The following GPC6 variants were observed in gnomAD, a reference collection of about 807,000 sequenced individuals.
The protein encoded by GPC6 is glypican 6.
A neutral mutation model predicts 55.2 loss-of-function variants in GPC6; 14 were observed. The observed-to-expected ratio is 0.25, with a 90% CI of 0.17 to 0.40. GPC6 has a LOEUF of 0.40. GPC6 is among the 10% of genes least tolerant of loss of function. GPC6 has a pLI of 1.00. For missense variants in GPC6, 641 were observed against 708.5 expected (o/e 0.90, Z 1.08); for synonymous variants, 278 against 259.6 (o/e 1.07, Z -0.68).
At chr13:93,431,811 T>C (rs1877370707) in intron 1 of GPC6, among the ~76,000 whole-genome samples, 1 of 152,198 alleles carries the variant, frequency 6.6e-6, no homozygotes, top group African/African-American at 2.4e-5. Flanking sequence ...TATTAAACTA[T>C]TTATCCCAGT....
chr13:94,140,771 G>C (rs1290134177), intron 4 of GPC6, among the ~76,000 whole-genome samples: 3 of 152,138 alleles, frequency 2.0e-5, no homozygotes, highest in Non-Finnish European at 4.4e-5. Context: ...ATCGTGGTTT[G>C]AGGCTACCAG....
chr13:93,233,745 C>T (rs188904349), intron 1 of GPC6, among the ~76,000 whole-genome samples: 1 of 152,224 alleles, frequency 6.6e-6, no homozygotes, highest in East Asian at 1.9e-4. Context: ...GTGAGAATAC[C>T]CTGCAAACAT....
intron 4 of GPC6, among the ~76,000 whole-genome samples, chr13:94,155,518 C>T (rs1887901487): frequency 6.6e-6 from 1 of 152,120 alleles, no homozygotes. Context: ...TAAAACTAAT[C>T]TTCATATTTT....
At chr13:93,249,662 C>T (rs1046250843) in intron 1 of GPC6, among the ~76,000 whole-genome samples, 8 of 152,178 alleles carry the variant, frequency 5.3e-5, no homozygotes, top group African/African-American at 1.4e-4. Context: ...GTCCAAGCAG[C>T]GCCTCATATT....
At chr13:93,868,709 C>T (rs1486829788) in intron 3 of GPC6, among the ~76,000 whole-genome samples, 2 of 151,928 alleles carry the variant, frequency 1.3e-5, no homozygotes, top group Non-Finnish European at 2.9e-5. Context: ...GGGCACTTTT[C>T]ATACTATTAA....
In GPC6 at chr13:94,098,385, A is replaced by T. The variant is rs571838529; in HGVS notation, c.877+70491A>T. Among the ~76,000 whole-genome samples the T allele has an allele frequency of 2.6e-5, 4 of 152,340 alleles. 1 individual carries two copies. The highest frequency in any genetic ancestry group is 1.3e-4 in the Admixed American group (2 of 15,306). On this transcript the variant is annotated intron_variant, in intron 4 of 8. Transcript: ENST00000377047. ...TATCTAGACAATTGTAAAACAATGT[A>T]TGCAGAGAAAGAAGCAATGTAAATT...
At chr13:93,775,032 C>G (rs929021882) in intron 2 of GPC6, among the ~76,000 whole-genome samples, 2 of 152,094 alleles carry the variant, frequency 1.3e-5, no homozygotes, top group African/African-American at 2.4e-5. Flanking sequence ...AACACAGATG[C>G]CCAGAGATCT....
intron 1 of GPC6, among the ~76,000 whole-genome samples, chr13:93,315,233 G>T (rs779792949): frequency 6.6e-6 from 1 of 151,880 alleles, no homozygotes; most frequent in Non-Finnish European, 1.5e-5. Context: ...TATGTTGTTT[G>T]TTATGAACAG....
intron 1 of GPC6, among the ~76,000 whole-genome samples, chr13:93,440,558 T>A (rs1470176696): frequency 6.6e-6 from 1 of 152,192 alleles, no homozygotes; most frequent in East Asian, 1.9e-4. Flanking sequence ...GTCAAAAAGA[T>A]CACCCACCTG....
chr13:93,276,096 G>C (rs1877725425), intron 1 of GPC6, among the ~76,000 whole-genome samples: 1 of 152,058 alleles, frequency 6.6e-6, no homozygotes, highest in Non-Finnish European at 1.5e-5. Flanking sequence ...GGATGGTTTC[G>C]ATCTCCTGAC....
intron 4 of GPC6, among the ~76,000 whole-genome samples, chr13:94,133,337 C>G (rs1210119856): frequency 4.2e-5 from 6 of 144,556 alleles, no homozygotes; most frequent in Admixed American, 6.9e-5. Flanking sequence ...AAATAAAATT[C>G]TAACTCTTAA....
intron 3 of GPC6, among the ~76,000 whole-genome samples, chr13:93,939,048 G>T (rs1329850550): frequency 6.6e-6 from 1 of 152,118 alleles, no homozygotes; most frequent in Non-Finnish European, 1.5e-5. Context: ...GCTGCAGTGA[G>T]CCCAGATCGT....
At chr13:93,505,433 A>G (rs1880675606) in intron 1 of GPC6, among the ~76,000 whole-genome samples, 1 of 48,796 alleles carries the variant, frequency 2.0e-5, no homozygotes, top group African/African-American at 5.5e-5. Flanking sequence ...ACACACGTGC[A>G]CACACACACA....
At chr13:93,542,081 G>T (rs1443281866) in intron 1 of GPC6, among the ~76,000 whole-genome samples, 1 of 152,124 alleles carries the variant, frequency 6.6e-6, no homozygotes, top group East Asian at 1.9e-4. Flanking sequence ...TGGTGTTTTA[G>T]ACATGAAGTC....
intron 6 of GPC6, among the ~76,000 whole-genome samples, chr13:94,319,853 C>A (rs1876727369): frequency 6.6e-6 from 1 of 152,038 alleles, no homozygotes; most frequent in Admixed American, 6.6e-5. Flanking sequence ...GTATAGATTT[C>A]TTTTTTTATT....
intron 1 of GPC6, among the ~76,000 whole-genome samples, chr13:93,267,352 G>A (rs1877357615): frequency 6.6e-6 from 1 of 151,208 alleles, no homozygotes; most frequent in Non-Finnish European, 1.5e-5. Context: ...CTGCTACCTT[G>A]ATCTCTTGGA....
At chr13:94,185,169 C>A (rs1462400259) in intron 4 of GPC6, among the ~76,000 whole-genome samples, 1 of 143,788 alleles carries the variant, frequency 7.0e-6, no homozygotes, top group African/African-American at 2.6e-5. Flanking sequence ...GGGATAGGGT[C>A]AAAAAACTAC....
At chr13:94,277,097 T>C (rs948840083) in intron 4 of GPC6, among the ~76,000 whole-genome samples, 1 of 152,202 alleles carries the variant, frequency 6.6e-6, no homozygotes, top group Non-Finnish European at 1.5e-5. Context: ...CGCCAGCATC[T>C]GTTGTTTCTT....
Position 93,227,329 on chromosome 13 carries a change from G to C in GPC6, c.-128G>C, listed in dbSNP as rs2138995020. The C allele has an allele frequency of 1.1e-6, 1 of 874,976 alleles. No homozygotes were observed. The allele number at this position is 874,976 out of a possible 1,614,324, so 54.2% of individuals were successfully genotyped here. ...GCTGCGCTGCTCGTCCCCTCGGCTG[G>C]CAGAAGGGGGTGACGCTGGGCAGCG... On this transcript the variant is annotated 5_prime_UTR_variant, in exon 1 of 9. Coordinates refer to ENST00000377047, the MANE Select transcript of GPC6 (RefSeq NM_005708.5). This position sits in a 1 kb window ranked among gnomAD's most constrained non-coding sequence, Gnocchi z 4.3.
Sources: allele counts gnomAD v4.1 joint callset (sites outside exome capture counted in the v4.1 genomes callset), GRCh38; gene constraint gnomAD v4.1.1; non-coding constraint Gnocchi (gnomAD v3.1); transcripts MANE v1.5; gene names NCBI Gene and HGNC (gene_info 2026-07-23, HGNC 2026-07-21).